Variants in ZNF831 observed in about 807,000 individuals in gnomAD.
ZNF831 encodes the protein zinc finger protein 831.
In ZNF831, 59 loss-of-function variants were observed where a neutral mutation model predicts 95.8. That is an observed-to-expected ratio of 0.62 (90% CI 0.50 to 0.77). The LOEUF (loss-of-function observed/expected upper bound fraction) is 0.77. Among genes scored for constraint, ZNF831 ranks in the 30% least tolerant of loss-of-function variants. ZNF831 has a pLI of 0.00. For synonymous variants in ZNF831, 961 were observed against 925.5 expected, an observed-to-expected ratio of 1.04 and a Z score of -0.70; for missense variants, 2,205 against 2,164.0, an observed-to-expected ratio of 1.02 and a Z score of -0.38.
At position 59,254,287 on chromosome 20, in the gene ZNF831, A is replaced by C. The variant is rs2146767286; in HGVS notation, c.4578A>C (p.Ser1526=). The change falls in exon 6 of 6, where the codon TCA becomes TCC. Residue 1526 remains serine, a synonymous_variant. Transcript: ENST00000371030. The surrounding 1 kb of genome is among the most constrained non-coding windows in gnomAD (Gnocchi z 4.5). The part of the protein sequence containing the change: ...HSQTAGRTLT[S]SSPDSKVTEE... ...AGACTGCAGGGAGGACTCTGACATC[A>C]AGCTCCCCAGACAGCAAAGTCACAG... 6.2e-7 allele frequency: 1 copy of C among 1,614,042 alleles called. No homozygotes were observed. Among genetic ancestry groups the C allele is most frequent in the Non-Finnish European group, 8.5e-7 (1 of 1,179,956 alleles).
At position 59,193,872 on chromosome 20, in the gene ZNF831, C is replaced by T. The variant is rs548949385; in HGVS notation, c.2853C>T (p.Pro951=). Residue 951 remains proline, a synonymous_variant, in exon 2 of 6, where the codon CCC becomes CCT. Transcript: ENST00000371030. ...YLLRLPQAET[P]LPLPIPWGPR... ...TCAGGTTACCTCAGGCAGAGACCCC[C>T]TTACCACTGCCCATTCCCTGGGGAC... 5.6e-6 allele frequency: 9 copies of T among 1,611,798 alleles called. No individual in the cohort carries two copies. The highest frequency in any genetic ancestry group is 3.3e-5 in the Admixed American group (2 of 59,710).
chr20:59,232,752 A>G (rs181020672), intron 4 of ZNF831, among the ~76,000 whole-genome samples: 1 of 152,068 alleles, frequency 6.6e-6, no homozygotes, highest in Admixed American at 6.5e-5. Flanking sequence ...ATGGCAGATG[A>G]CTCTTGGAGC....
intron 4 of ZNF831, among the ~76,000 whole-genome samples, chr20:59,224,110 G>C (rs1986281105): frequency 6.6e-6 from 1 of 152,206 alleles, no homozygotes; most frequent in Non-Finnish European, 1.5e-5. Flanking sequence ...CCCACTTTGA[G>C]TACCCTCGCA....
At chr20:59,148,546 G>A (rs1381654005) in intron 2 of ZNF831, among the ~76,000 whole-genome samples, 1 of 138,652 alleles carries the variant, frequency 7.2e-6, no homozygotes, top group Non-Finnish European at 1.6e-5. Flanking sequence ...CGGGCATGGT[G>A]GCGCGCGCCT....
chr20:59,127,684 T>A (rs946421650), intron 1 of ZNF831, among the ~76,000 whole-genome samples: 1 of 152,242 alleles, frequency 6.6e-6, no homozygotes, highest in South Asian at 2.1e-4. Flanking sequence ...GAGATATTTA[T>A]GTGTTTCCTG....
rs2146541932 is a variant in ZNF831 at position 59,191,053 on chromosome 20, C to T, written c.34C>T (p.Pro12Ser). 6.7e-7 allele frequency: 1 copy of T among 1,497,342 alleles called. No homozygotes were observed. Among genetic ancestry groups the T allele is most frequent in the Non-Finnish European group, 8.8e-7 (1 of 1,131,404 alleles). 92.8% of individuals were successfully genotyped at this position (1,497,342 alleles called of 1,614,324 possible). ...EVPEPTCPAPPARDQPAPTPG... is the reference protein window; with the variant it reads ...EVPEPTCPAPSARDQPAPTPG... ...TCCAGAACCCACCTGCCCTGCCCCT[C>T]CTGCGAGGGACCAGCCAGCTCCCAC... The change falls in exon 2 of 6, where the codon CCT becomes TCT. Residue 12 changes from proline (P) to serine (S), a missense_variant. Physicochemically the swap from Pro to Ser is moderately conservative, Grantham distance 74. Transcript: ENST00000371030.
rs982012004 is a variant in ZNF831 at position 59,255,843 on chromosome 20, C to A, written c.*1100C>A. 6.6e-6 allele frequency: 1 copy of A among 152,176 alleles called. No individual in the cohort carries two copies. Among genetic ancestry groups the A allele is most frequent in the Non-Finnish European group, 1.5e-5 (1 of 68,042 alleles). 9.4% of individuals were successfully genotyped at this position (152,176 alleles called of 1,614,324 possible). On this transcript the variant is annotated 3_prime_UTR_variant, in exon 6 of 6. Coordinates refer to ENST00000371030, the MANE Select transcript of ZNF831 (RefSeq NM_178457.3). ...AGCCTCTGTATTGTGCACGTCAGAA[C>A]TGCACAGAGAAAATTCCCCAGTATT... is the stretch of plus-strand genomic sequence containing the variant.
At chr20:59,205,103 A>G (rs1448516303) in intron 3 of ZNF831, among the ~76,000 whole-genome samples, 1 of 152,142 alleles carries the variant, frequency 6.6e-6, no homozygotes, top group African/African-American at 2.4e-5. Flanking sequence ...TTCTGAAAGT[A>G]AAACCTCCCT....
At chr20:59,204,905 G>C (rs976036498) in intron 3 of ZNF831, among the ~76,000 whole-genome samples, 2 of 152,188 alleles carry the variant, frequency 1.3e-5, no homozygotes, top group Non-Finnish European at 2.9e-5. Context: ...CCAGGAGAGA[G>C]AGAAACGTAC....
intron 4 of ZNF831, among the ~76,000 whole-genome samples, chr20:59,210,129 C>T (rs905732794): frequency 3.9e-5 from 6 of 152,188 alleles, no homozygotes; most frequent in South Asian, 2.1e-4. Flanking sequence ...GGGACACACA[C>T]GGACACTCAG....
At chr20:59,201,469 G>A (rs1195331102) in intron 3 of ZNF831, among the ~76,000 whole-genome samples, 1 of 152,066 alleles carries the variant, frequency 6.6e-6, no homozygotes, top group South Asian at 2.1e-4. Flanking sequence ...AAAAGCAACT[G>A]TCTTTCACTT....
chr20:59,213,031 A>T (rs533304609), intron 4 of ZNF831, among the ~76,000 whole-genome samples: 13 of 152,350 alleles, frequency 8.5e-5, no homozygotes, highest in African/African-American at 3.1e-4. Flanking sequence ...AGTGACAAAG[A>T]TGATAACTCT....
intron 3 of ZNF831, among the ~76,000 whole-genome samples, chr20:59,201,766 G>A (rs569949266): frequency 6.6e-6 from 1 of 152,162 alleles, no homozygotes; most frequent in East Asian, 1.9e-4. Flanking sequence ...ACTTGATTAC[G>A]CCGCTTGACT....
rs373735486 is a variant in ZNF831 at position 59,206,888 on chromosome 20, G to A, written c.3876-17G>A. ...TCTCCAGGCTGGTTACTGCAAGCATGCTTCTCTCTTCTACAGGTACAAAGG... is the reference window on the plus strand; with the variant it reads ...TCTCCAGGCTGGTTACTGCAAGCATACTTCTCTCTTCTACAGGTACAAAGG... On this transcript the variant is annotated splice_polypyrimidine_tract_variant and intron_variant, in intron 3 of 5. Coordinates refer to ENST00000371030, the MANE Select transcript of ZNF831 (RefSeq NM_178457.3). The A allele has an allele frequency of 5.2e-5, 84 of 1,610,190 alleles. No individual in the cohort carries two copies. In the African/African-American group the frequency reaches 9.2e-4, roughly 18 times the overall value.
intron 4 of ZNF831, among the ~76,000 whole-genome samples, chr20:59,240,073 T>C (rs186884216): frequency 5.9e-5 from 9 of 152,226 alleles, no homozygotes; most frequent in Admixed American, 5.2e-4. Context: ...TCTCTCCCCT[T>C]GGGGAAGGTT....
chr20:59,139,504 C>T (rs1423734977), intron 1 of ZNF831, among the ~76,000 whole-genome samples: 1 of 152,120 alleles, frequency 6.6e-6, no homozygotes, highest in Non-Finnish European at 1.5e-5. Flanking sequence ...GGCCATGACA[C>T]AGGTGAATTA....
chr20:59,191,622 G>C lies in ZNF831; in HGVS notation c.603G>C (p.Arg201=), dbSNP rs2146550747. The part of the protein sequence containing the change: ...RRTQTHLNNS[R]LSSESEGAGG... Reference sequence around the variant, plus strand: ...CGCAGACGCACCTCAACAACTCCCGGCTGTCCTCAGAGTCCGAGGGCGCCG... The same window carrying C: ...CGCAGACGCACCTCAACAACTCCCGCCTGTCCTCAGAGTCCGAGGGCGCCG... Residue 201 remains arginine (R), a synonymous_variant, in exon 2 of 6, where the codon CGG becomes CGC. Coordinates refer to ENST00000371030, the MANE Select transcript of ZNF831 (RefSeq NM_178457.3). 1.3e-6 allele frequency: 2 copies of C among 1,586,068 alleles called. No homozygotes were observed. Among genetic ancestry groups the C allele is most frequent in the Non-Finnish European group, 1.7e-6 (2 of 1,164,444 alleles).
At position 59,221,029 on chromosome 20, in the gene ZNF831, A is replaced by G. The variant is rs548078586; in HGVS notation, c.4027+13973A>G. Among the ~76,000 whole-genome samples the G allele has an allele frequency of 7.3e-4, 111 of 152,286 alleles. 1 individual carries two copies. The highest frequency in any genetic ancestry group is 2.6e-3 in the African/African-American group (106 of 41,556). On this transcript the variant is annotated intron_variant, in intron 4 of 5. Coordinates refer to ENST00000371030, the MANE Select transcript of ZNF831 (RefSeq NM_178457.3). The stretch of plus-strand genomic sequence containing the variant: ...AAGCCTGTCCAGGAATACCTGACTC[A>G]TTTGCCCTTGAGATTGAGGAGAGGC...
chr20:59,187,778 G>A (rs936152684), intron 1 of ZNF831, among the ~76,000 whole-genome samples: 8 of 152,274 alleles, frequency 5.3e-5, no homozygotes, highest in African/African-American at 1.9e-4. Flanking sequence ...AGAAGGAAAC[G>A]TTGTACCCAG....
Sources: allele counts gnomAD v4.1 joint callset (sites outside exome capture counted in the v4.1 genomes callset), GRCh38; gene constraint gnomAD v4.1.1; non-coding constraint Gnocchi (gnomAD v3.1); transcripts MANE v1.5; gene names NCBI Gene and HGNC (gene_info 2026-07-23, HGNC 2026-07-21).